The following NCOA3 variants were observed in gnomAD, a reference collection of about 807,000 sequenced individuals.
NCOA3 encodes CBP-interacting protein.
Under a neutral mutation model 158.8 loss-of-function variants are expected in NCOA3, and 51 were observed. That is an observed-to-expected ratio of 0.32 (90% CI 0.26 to 0.41). The LOEUF is 0.41. NCOA3 is among the 10% of genes least tolerant of loss of function. NCOA3 has a pLI of 1.00. For synonymous variants in NCOA3, 537 were observed against 592.4 expected (o/e 0.91, Z 1.36); for missense variants, 1,510 against 1,746.6 (o/e 0.86, Z 2.41).
chr20:47,602,198 T>C (rs2085876020), intron 2 of NCOA3, among the ~76,000 whole-genome samples: 1 of 152,232 alleles, frequency 6.6e-6, no homozygotes, highest in African/African-American at 2.4e-5. Context: ...CCTTTTGTTA[T>C]ATAGTGTTTG....
intron 1 of NCOA3, among the ~76,000 whole-genome samples, chr20:47,533,167 C>G (rs1206877): frequency 6.8e-6 from 1 of 147,036 alleles, no homozygotes; most frequent in Non-Finnish European, 1.5e-5. Flanking sequence ...CCTCTGTAAT[C>G]CCAGCTACTC....
At chr20:47,613,930 A>G (rs567942381) in intron 2 of NCOA3, among the ~76,000 whole-genome samples, 1 of 151,818 alleles carries the variant, frequency 6.6e-6, no homozygotes, top group East Asian at 1.9e-4. Context: ...ATTAAAAAAA[A>G]TTTTCTTTTC....
intron 1 of NCOA3, among the ~76,000 whole-genome samples, chr20:47,504,361 G>A (rs1466835751): frequency 1.3e-5 from 2 of 152,036 alleles, no homozygotes; most frequent in Non-Finnish European, 2.9e-5. Flanking sequence ...CTTTTTCTAG[G>A]CGATATGCAA....
intron 21 of NCOA3, 128 bp from the exon 22 acceptor site, chr20:47,652,801 CAG>C: frequency 2.7e-6 from 3 of 1,125,788 alleles, no homozygotes; most frequent in Non-Finnish European, 3.9e-6. Context: ...CACAGGCTGT[CAG>C]GGAGTTTTCT....
At chr20:47,621,246 T>G (rs1020826274) in intron 2 of NCOA3, among the ~76,000 whole-genome samples, 1 of 150,292 alleles carries the variant, frequency 6.7e-6, no homozygotes, top group Non-Finnish European at 1.5e-5. Context: ...TTTTTATTTT[T>G]TTTGTTTTTT....
intron 1 of NCOA3, among the ~76,000 whole-genome samples, chr20:47,538,181 A>G (rs145497619): frequency 1.0e-3 from 156 of 152,284 alleles, no homozygotes; most frequent in African/African-American, 3.6e-3. Context: ...CGCCTGGACT[A>G]ATAGGTTTTT....
At chr20:47,626,535 C>T (rs971144640) in intron 5 of NCOA3, among the ~76,000 whole-genome samples, 1 of 136,938 alleles carries the variant, frequency 7.3e-6, no homozygotes, top group South Asian at 2.4e-4. Context: ...AGTAATGGTG[C>T]TAATGTTAGT....
At chr20:47,567,622 TG>T (rs773693900) in intron 1 of NCOA3, among the ~76,000 whole-genome samples, 68 of 152,000 alleles carry the variant, frequency 4.5e-4, no homozygotes, top group Non-Finnish European at 9.4e-4. Flanking sequence ...CAGACTGGAG[TG>T]CAGTGGCATG....
In NCOA3 at chr20:47,647,913, TG is replaced by T. The variant is rs1207790691; in HGVS notation, c.3546+548del. 3.4e-3 allele frequency among the ~76,000 whole-genome samples: 490 copies of T among 142,248 alleles called. 1 individual carries two copies. The highest frequency in any genetic ancestry group is 4.3e-3 in the Non-Finnish European group (283 of 65,554). The allele number at this position is 142,248 out of a possible 152,430, so 93.3% of individuals were successfully genotyped here. On this transcript the variant is annotated intron_variant, in intron 18 of 22. Coordinates refer to ENST00000371998, the MANE Select transcript of NCOA3 (RefSeq NM_181659.3). ...TTTTTTTTTGTTTGTTTGTTTGTTT[TG>T]TTTTGTTTTTTTTTTTTTGAGGTGG...
intron 1 of NCOA3, among the ~76,000 whole-genome samples, chr20:47,578,827 G>A (rs1464556186): frequency 1.3e-5 from 2 of 152,178 alleles, no homozygotes; most frequent in African/African-American, 2.4e-5. Context: ...AGGAGATCCT[G>A]GGAGCAGTGC....
At position 47,540,398 on chromosome 20, in the gene NCOA3, A is replaced by ACC. The variant is rs761599954; in HGVS notation, c.-99+38384_-99+38385dup. On this transcript the variant is annotated intron_variant, in intron 1 of 22. Coordinates refer to ENST00000371998, the MANE Select transcript of NCOA3 (RefSeq NM_181659.3). ...AGACCAGCCTGGCTAACATAGTGAA[A>ACC]CCCCCCTCTACTAAAAATACAAAAA... is the stretch of plus-strand genomic sequence containing the variant. Among the ~76,000 whole-genome samples, 17 of 151,880 alleles carry ACC rather than the reference A, an allele frequency of 1.1e-4. No homozygotes were observed. The South Asian group carries it at 2.7e-3, about 24-fold the overall frequency.
intron 2 of NCOA3, among the ~76,000 whole-genome samples, chr20:47,593,144 G>T (rs2085676443): frequency 6.6e-6 from 1 of 152,000 alleles, no homozygotes; most frequent in Admixed American, 6.6e-5. Flanking sequence ...TGTTGGCCAG[G>T]CTGGTCTTGA....
chr20:47,600,791 C>G lies in NCOA3; in HGVS notation c.-20+17530C>G, dbSNP rs192798455. On this transcript the variant is annotated intron_variant, in intron 2 of 22. Coordinates refer to ENST00000371998, the MANE Select transcript of NCOA3 (RefSeq NM_181659.3). ...TTGGCCTCCCAAAGTGTTGGGATTA[C>G]GGGCATGAGCCACTGTCCCTGGCAA... 5.3e-4 allele frequency among the ~76,000 whole-genome samples: 70 copies of G among 131,252 alleles called. 1 individual carries two copies. In the East Asian group the frequency reaches 0.014, roughly 26 times the overall value. 86.1% of individuals were successfully genotyped at this position (131,252 alleles called of 152,430 possible). A position where few individuals can be genotyped will look rare whatever the true frequency, so the allele number is the denominator to read the frequency against.
At chr20:47,598,115 C>T (rs1461996106) in intron 2 of NCOA3, among the ~76,000 whole-genome samples, 3 of 150,758 alleles carry the variant, frequency 2.0e-5, no homozygotes, top group African/African-American at 7.3e-5. Flanking sequence ...GGCGTGGTGG[C>T]GGGCGCCTGT....
intron 9 of NCOA3, 154 bp from the exon 10 acceptor site, chr20:47,633,894 G>A (rs2086462650): frequency 2.0e-6 from 2 of 1,010,454 alleles, no homozygotes; most frequent in African/African-American, 3.2e-5. Flanking sequence ...ATGCCTGAGT[G>A]TTCTTATTTT....
chr20:47,627,266 G>A (rs1200791900), intron 6 of NCOA3, 90 bp downstream of exon 6: 6 of 1,078,974 alleles, frequency 5.6e-6, no homozygotes, highest in Non-Finnish European at 7.9e-6. Flanking sequence ...AGGAAGTCAA[G>A]CGATCAAATG....
At chr20:47,588,880 A>G (rs1427368908) in intron 2 of NCOA3, among the ~76,000 whole-genome samples, 3 of 152,148 alleles carry the variant, frequency 2.0e-5, no homozygotes, top group East Asian at 1.9e-4. Context: ...TTTACAGAAT[A>G]TAAAATACAA....
At chr20:47,581,216 CT>C (rs1186811196) in intron 1 of NCOA3, among the ~76,000 whole-genome samples, 9 of 152,008 alleles carry the variant, frequency 5.9e-5, no homozygotes, top group African/African-American at 2.2e-4. Context: ...TATGTTTGGA[CT>C]TGGGTTTCTT....
At chr20:47,576,688 TG>T (rs1483645702) in intron 1 of NCOA3, among the ~76,000 whole-genome samples, 1 of 152,224 alleles carries the variant, frequency 6.6e-6, no homozygotes, top group Non-Finnish European at 1.5e-5. Context: ...AATGAGTTAA[TG>T]TTCATTTGCA....
Sources: allele counts gnomAD v4.1 joint callset (sites outside exome capture counted in the v4.1 genomes callset), GRCh38; gene constraint gnomAD v4.1.1; transcripts MANE v1.5; gene names NCBI Gene and HGNC (gene_info 2026-07-23, HGNC 2026-07-21).